The following GNA14 variants were observed in gnomAD, a reference collection of about 807,000 sequenced individuals.
GNA14 encodes G protein subunit alpha 14.
In GNA14, 50 loss-of-function variants were observed where a neutral mutation model predicts 42.0. The ratio of observed to expected loss-of-function variants is 1.19; its 90% CI spans 0.95 to 1.51. The LOEUF is 1.51. GNA14 is among the 40% of genes most tolerant of loss of function. GNA14 has a pLI of 0.00. For synonymous variants in GNA14, 173 were observed against 163.1 expected (o/e 1.06, Z -0.46); for missense variants, 473 against 446.2 (o/e 1.06, Z -0.54).
intron 1 of GNA14, among the ~76,000 whole-genome samples, chr9:77,552,774 G>T (rs986920063): frequency 6.6e-6 from 1 of 152,130 alleles, no homozygotes; most frequent in Non-Finnish European, 1.5e-5. Flanking sequence ...TAATGCCCAA[G>T]CATTTTTGGG....
At chr9:77,625,236 T>C (rs1450082667) in intron 1 of GNA14, among the ~76,000 whole-genome samples, 1 of 151,680 alleles carries the variant, frequency 6.6e-6, no homozygotes, top group Non-Finnish European at 1.5e-5. Flanking sequence ...CTCCAAGAAA[T>C]ATGAGACTAT....
intron 1 of GNA14, among the ~76,000 whole-genome samples, chr9:77,595,220 A>G (rs559435701): frequency 6.6e-6 from 1 of 152,032 alleles, no homozygotes; most frequent in Non-Finnish European, 1.5e-5. Flanking sequence ...TGCTTGGTGA[A>G]TATTTGTTAA....
At chr9:77,455,609 G>C (rs1835985050) in intron 2 of GNA14, among the ~76,000 whole-genome samples, 1 of 152,172 alleles carries the variant, frequency 6.6e-6, no homozygotes, top group Admixed American at 6.5e-5. Flanking sequence ...TATTTTTAAA[G>C]TGTCTACGAT....
intron 4 of GNA14, among the ~76,000 whole-genome samples, chr9:77,429,266 C>T (rs1359757170): frequency 3.3e-5 from 5 of 152,186 alleles, no homozygotes; most frequent in Non-Finnish European, 7.3e-5. Context: ...TTTCTGAAGA[C>T]ATGCAGAGGT....
chr9:77,603,963 A>C (rs1564064408), intron 1 of GNA14, among the ~76,000 whole-genome samples: 34 of 82,328 alleles, frequency 4.1e-4, no homozygotes, highest in South Asian at 1.1e-3. Context: ...AAACAAAAAA[A>C]AAAAAAAAAA....
intron 1 of GNA14, among the ~76,000 whole-genome samples, chr9:77,592,784 T>C (rs140231709): frequency 6.6e-6 from 1 of 152,360 alleles, no homozygotes; most frequent in South Asian, 2.1e-4. Flanking sequence ...TGCTGTAGGA[T>C]CCTTTATCTT....
At chr9:77,591,730 C>T (rs1438397430) in intron 1 of GNA14, among the ~76,000 whole-genome samples, 3 of 152,104 alleles carry the variant, frequency 2.0e-5, no homozygotes, top group Non-Finnish European at 4.4e-5. Context: ...AATCCACTCC[C>T]TGCTCAAAAA....
At chr9:77,438,420 A>G (rs1038140761) in intron 2 of GNA14, among the ~76,000 whole-genome samples, 1 of 152,006 alleles carries the variant, frequency 6.6e-6, no homozygotes, top group Non-Finnish European at 1.5e-5. Flanking sequence ...GGCACCCGCC[A>G]CCACCCCTGG....
intron 3 of GNA14, among the ~76,000 whole-genome samples, chr9:77,432,631 C>T (rs907199847): frequency 6.6e-5 from 10 of 152,254 alleles, no homozygotes; most frequent in African/African-American, 1.9e-4. Context: ...TGAGTCCTGC[C>T]GGTTTGGAAG....
intron 2 of GNA14, among the ~76,000 whole-genome samples, chr9:77,522,459 A>C (rs1317192767): frequency 6.6e-6 from 1 of 152,220 alleles, no homozygotes; most frequent in Non-Finnish European, 1.5e-5. Context: ...GGCTGAACAC[A>C]ACAGACACTG....
At chr9:77,541,265 A>G (rs1208241014) in intron 1 of GNA14, among the ~76,000 whole-genome samples, 1 of 152,136 alleles carries the variant, frequency 6.6e-6, no homozygotes, top group Non-Finnish European at 1.5e-5. Flanking sequence ...TGTCTGAGAA[A>G]TACTTTATTT....
At chr9:77,553,635 A>T (rs1158945273) in intron 1 of GNA14, among the ~76,000 whole-genome samples, 1 of 152,086 alleles carries the variant, frequency 6.6e-6, no homozygotes, top group Non-Finnish European at 1.5e-5. Context: ...AAATTGACAA[A>T]AAAAATCCAG....
At chr9:77,491,735 T>C (rs1836778841) in intron 2 of GNA14, among the ~76,000 whole-genome samples, 1 of 152,126 alleles carries the variant, frequency 6.6e-6, no homozygotes, top group Non-Finnish European at 1.5e-5. Context: ...AACATCCCAC[T>C]CTCAGTAATG....
intron 2 of GNA14, among the ~76,000 whole-genome samples, chr9:77,457,619 C>T (rs1488981940): frequency 6.6e-6 from 1 of 152,156 alleles, no homozygotes; most frequent in Non-Finnish European, 1.5e-5. Context: ...CTACTCTTTG[C>T]ACTGAATTTA....
chr9:77,466,072 T>C (rs1836218291), intron 2 of GNA14, among the ~76,000 whole-genome samples: 2 of 152,230 alleles, frequency 1.3e-5, no homozygotes, highest in African/African-American at 4.8e-5. Flanking sequence ...TCGACTATAA[T>C]GTGTCTGGGT....
intron 2 of GNA14, among the ~76,000 whole-genome samples, chr9:77,498,389 GAAA>G (rs763098068): frequency 1.2e-4 from 15 of 122,040 alleles, no homozygotes; most frequent in African/African-American, 4.4e-4. Flanking sequence ...AAAAAAAAAA[GAAA>G]AAAAAGAAAA....
At chr9:77,498,325 A>G (rs1215327683) in intron 2 of GNA14, among the ~76,000 whole-genome samples, 2 of 142,174 alleles carry the variant, frequency 1.4e-5, no homozygotes, top group Non-Finnish European at 3.0e-5. Flanking sequence ...GTGAGCCGAG[A>G]TCGCACCATT....
chr9:77,500,979 A>C (rs1836957207), intron 2 of GNA14, among the ~76,000 whole-genome samples: 1 of 151,622 alleles, frequency 6.6e-6, no homozygotes, highest in African/African-American at 2.4e-5. Flanking sequence ...TTTTTGAGAC[A>C]GAATCTCGCT....
At chr9:77,522,757 C>T (rs1305847287) in intron 2 of GNA14, among the ~76,000 whole-genome samples, 1 of 152,150 alleles carries the variant, frequency 6.6e-6, no homozygotes, top group Non-Finnish European at 1.5e-5. Flanking sequence ...ATTGGCGTAG[C>T]AGCCCCACAG....
Sources: allele counts gnomAD v4.1 joint callset (sites outside exome capture counted in the v4.1 genomes callset), GRCh38; gene constraint gnomAD v4.1.1; transcripts MANE v1.5; gene names NCBI Gene and HGNC (gene_info 2026-07-23, HGNC 2026-07-21).